The following FHIT variants were observed in gnomAD, a reference collection of about 807,000 sequenced individuals.
The protein encoded by FHIT is bis(5'-adenosyl)-triphosphatase.
In FHIT, 19 loss-of-function variants were observed where a neutral mutation model predicts 17.9. That is an observed-to-expected ratio of 1.06 (90% CI 0.74 to 1.56). FHIT has a LOEUF of 1.56. Ranked by LOEUF, FHIT falls within the 40% of genes most tolerant of loss-of-function variation. The pLI, the probability that FHIT is intolerant of heterozygous loss-of-function variation, is 0.00. For missense variants in FHIT, 248 were observed against 189.2 expected (o/e 1.31, Z -1.82); for synonymous variants, 81 against 69.7 (o/e 1.16, Z -0.81).
intron 5 of FHIT, among the ~76,000 whole-genome samples, chr3:60,063,350 A>T (rs1702370240): frequency 6.6e-6 from 1 of 152,198 alleles, no homozygotes; most frequent in African/African-American, 2.4e-5. Flanking sequence ...TGTTTCAAGA[A>T]ACTGATATAC....
chr3:60,029,905 G>GTGTGTGTGTGTGTGTGTC (rs1700926274), intron 5 of FHIT, among the ~76,000 whole-genome samples: 2 of 147,350 alleles, frequency 1.4e-5, no homozygotes, highest in African/African-American at 5.1e-5. Context: ...GTCTGTGTGT[G>GTGTGTGTGTGTGTGTGTC]TGTGTGTGTG....
chr3:60,949,606 C>G (rs1362261822), intron 3 of FHIT, among the ~76,000 whole-genome samples: 1 of 152,152 alleles, frequency 6.6e-6, no homozygotes, highest in East Asian at 1.9e-4. Flanking sequence ...GCTGAATTTA[C>G]TAATTGTTTC....
chr3:60,116,930 A>C (rs1704990241), intron 5 of FHIT, among the ~76,000 whole-genome samples: 1 of 152,270 alleles, frequency 6.6e-6, no homozygotes, highest in South Asian at 2.1e-4. Flanking sequence ...CTCTAGAAAA[A>C]GTTACGGAAA....
chr3:60,433,892 C>G (rs1181479801), intron 5 of FHIT, among the ~76,000 whole-genome samples: 2 of 151,896 alleles, frequency 1.3e-5, no homozygotes, highest in Admixed American at 6.6e-5. Flanking sequence ...TTGACTGTTT[C>G]CTTTGCTGTG....
At chr3:60,191,163 T>C (rs1205595805) in intron 5 of FHIT, among the ~76,000 whole-genome samples, 1 of 152,018 alleles carries the variant, frequency 6.6e-6, no homozygotes, top group Non-Finnish European at 1.5e-5. Context: ...CCAGCAATGA[T>C]CAAGAAAACA....
chr3:60,109,547 C>T (rs374793823), intron 5 of FHIT, among the ~76,000 whole-genome samples: 14 of 152,080 alleles, frequency 9.2e-5, no homozygotes, highest in African/African-American at 3.1e-4. Flanking sequence ...CAAAGGCCTC[C>T]AAATCCCAAC....
chr3:59,761,733 A>T (rs1214776892), intron 8 of FHIT, among the ~76,000 whole-genome samples: 1 of 151,398 alleles, frequency 6.6e-6, no homozygotes, highest in African/African-American at 2.4e-5. Flanking sequence ...CACCCTTCTC[A>T]GTAGCTGGGA....
intron 3 of FHIT, among the ~76,000 whole-genome samples, chr3:60,853,834 C>G (rs1268055466): frequency 6.6e-6 from 1 of 152,048 alleles, no homozygotes; most frequent in Non-Finnish European, 1.5e-5. Flanking sequence ...CATTAACATT[C>G]AACTGCAATG....
At position 59,962,674 on chromosome 3, in the gene FHIT, A is replaced by C. The variant is rs1474572957; in HGVS notation, c.280-40260T>G. On this transcript the variant is annotated intron_variant, in intron 7 of 9. Transcript: ENST00000492590. ...TTGTTAAGGAGATATTTAAATGTAA[A>C]CATCTTTTCTAACCTTGGAAGGAAA... is the stretch of plus-strand genomic sequence containing the variant. Among the ~76,000 whole-genome samples, 6 of 152,212 alleles carry C rather than the reference A, an allele frequency of 3.9e-5. 1 individual carries two copies. Among genetic ancestry groups the C allele is most frequent in the Admixed American group, 3.3e-4 (5 of 15,290 alleles).
chr3:60,792,864 T>C (rs1553728972), intron 4 of FHIT, among the ~76,000 whole-genome samples: 1 of 150,476 alleles, frequency 6.6e-6, no homozygotes, highest in Non-Finnish European at 1.5e-5. Flanking sequence ...GAATTGATGG[T>C]TTGTGTTTTG....
chr3:60,382,066 T>C (rs569277190), intron 5 of FHIT, among the ~76,000 whole-genome samples: 19 of 152,326 alleles, frequency 1.2e-4, no homozygotes, highest in Admixed American at 6.5e-4. Context: ...TATGGTTCCA[T>C]TGGACAGTGG....
intron 5 of FHIT, among the ~76,000 whole-genome samples, chr3:60,398,383 C>A (rs1701534741): frequency 1.3e-5 from 2 of 152,108 alleles, no homozygotes; most frequent in African/African-American, 4.8e-5. Context: ...AGTGTCCATG[C>A]TCTAAGAAAA....
intron 4 of FHIT, among the ~76,000 whole-genome samples, chr3:60,743,007 T>C (rs1346815247): frequency 6.6e-6 from 1 of 152,168 alleles, no homozygotes; most frequent in Non-Finnish European, 1.5e-5. Context: ...GTTCTCCCTT[T>C]TGGAAGAGCT....
chr3:60,159,064 T>C (rs1700827886), intron 5 of FHIT, among the ~76,000 whole-genome samples: 1 of 152,160 alleles, frequency 6.6e-6, no homozygotes, highest in Admixed American at 6.5e-5. Context: ...GGAGCCTCTT[T>C]AGACTTTTTT....
At chr3:60,941,172 C>T (rs146718834) in intron 3 of FHIT, among the ~76,000 whole-genome samples, 58 of 152,274 alleles carry the variant, frequency 3.8e-4, no homozygotes, top group East Asian at 3.7e-3. Context: ...CCCATTCAGA[C>T]TGGCCACATT....
rs5849335 is a variant in FHIT at position 60,146,249 on chromosome 3, T to TAAA, written c.104-132100_104-132098dup. On this transcript the variant is annotated intron_variant, in intron 5 of 9. Coordinates refer to ENST00000492590, the MANE Select transcript of FHIT (RefSeq NM_002012.4). Reference sequence around the variant, plus strand: ...GTAAACATTTAACAATATACTCATTTAAAAAAAAAAAGGGCAGGGGGTAGG... The same window carrying TAAA: ...GTAAACATTTAACAATATACTCATTTAAAAAAAAAAAAAAGGGCAGGGGGTAGG... Among the ~76,000 whole-genome samples, 12 of 144,072 alleles carry TAAA rather than the reference T, an allele frequency of 8.3e-5. No homozygotes were observed. In the South Asian group the frequency reaches 8.8e-4, roughly 11 times the overall value. 94.5% of individuals were successfully genotyped at this position (144,072 alleles called of 152,430 possible).
rs73836069 is a variant in FHIT at position 60,957,101 on chromosome 3, T to C, written c.-111+84946A>G. The stretch of plus-strand genomic sequence containing the variant: ...AAATATCTTGTTCAAAATCAGATAC[T>C]AAGCCGGGCAGAGATAATCATCATG... On this transcript the variant is annotated intron_variant, in intron 3 of 9. Coordinates refer to ENST00000492590, the MANE Select transcript of FHIT (RefSeq NM_002012.4). Among the ~76,000 whole-genome samples the C allele has an allele frequency of 5.8e-3, 890 of 152,228 alleles. 8 individuals are homozygous for C. Among genetic ancestry groups the C allele is most frequent in the African/African-American group, 0.021 (858 of 41,540 alleles).
chr3:60,375,332 G>C (rs1700507271), intron 5 of FHIT, among the ~76,000 whole-genome samples: 1 of 151,602 alleles, frequency 6.6e-6, no homozygotes, highest in African/African-American at 2.4e-5. Context: ...ACTTTGGAAG[G>C]CTGAGGTGGG....
At chr3:60,981,266 C>A (rs931842760) in intron 3 of FHIT, among the ~76,000 whole-genome samples, 3 of 151,428 alleles carry the variant, frequency 2.0e-5, no homozygotes, top group African/African-American at 7.3e-5. Flanking sequence ...TCTGACCAGG[C>A]CTTTTCTCCT....
Sources: allele counts gnomAD v4.1 joint callset (sites outside exome capture counted in the v4.1 genomes callset), GRCh38; gene constraint gnomAD v4.1.1; transcripts MANE v1.5; gene names NCBI Gene and HGNC (gene_info 2026-07-23, HGNC 2026-07-21).